LRRC4C: variants seen among roughly 807,000 people sequenced by gnomAD.
LRRC4C encodes the protein leucine rich repeat containing 4C.
A neutral mutation model predicts 33.6 loss-of-function variants in LRRC4C; 5 were observed. The ratio of observed to expected loss-of-function variants is 0.15; its 90% CI spans 0.08 to 0.31. The LOEUF is 0.31. LRRC4C is among the 10% of genes least tolerant of loss of function. The pLI, the probability that LRRC4C is intolerant of heterozygous loss-of-function variation, is 1.00. For missense variants in LRRC4C, 560 were observed against 796.7 expected (o/e 0.70, Z 3.58); for synonymous variants, 329 against 302.0 (o/e 1.09, Z -0.93).
At chr11:40,924,487 G>A (rs1207215892) in intron 2 of LRRC4C, among the ~76,000 whole-genome samples, 3 of 151,772 alleles carry the variant, frequency 2.0e-5, no homozygotes, top group Non-Finnish European at 4.4e-5. Flanking sequence ...AATCAAATAG[G>A]TAAGGCTGGG....
chr11:40,241,799 T>G (rs1338781658), intron 4 of LRRC4C: 1 of 152,230 alleles, frequency 6.6e-6, no homozygotes, highest in African/African-American at 2.4e-5. Context: ...GCTTGATACT[T>G]TAGAACCACA....
At chr11:40,491,241 C>T (rs1484551581) in intron 3 of LRRC4C, among the ~76,000 whole-genome samples, 3 of 152,112 alleles carry the variant, frequency 2.0e-5, no homozygotes, top group African/African-American at 7.2e-5. Flanking sequence ...GCTGAGATTG[C>T]ACCACTACAC....
chr11:40,792,559 C>T (rs1950669158), intron 2 of LRRC4C, among the ~76,000 whole-genome samples: 1 of 152,034 alleles, frequency 6.6e-6, no homozygotes. Flanking sequence ...CTAGTTCAAC[C>T]ATTGTGGAAG....
intron 3 of LRRC4C, among the ~76,000 whole-genome samples, chr11:40,382,722 C>G (rs1167918187): frequency 4.5e-5 from 5 of 110,640 alleles, no homozygotes; most frequent in African/African-American, 1.8e-4. Flanking sequence ...GAGACAGAGT[C>G]TCGCTCTGTC....
intron 2 of LRRC4C, among the ~76,000 whole-genome samples, chr11:40,865,140 T>C (rs1423092225): frequency 2.0e-5 from 3 of 152,150 alleles, no homozygotes; most frequent in African/African-American, 7.2e-5. Flanking sequence ...CATGGTTAAC[T>C]CTGGAGGACA....
At chr11:41,410,402 GTT>G (rs1336824802) in intron 1 of LRRC4C, among the ~76,000 whole-genome samples, 1 of 141,290 alleles carries the variant, frequency 7.1e-6, no homozygotes, top group African/African-American at 2.6e-5. Context: ...TAGTGAGAAA[GTT>G]TTTTTTTTTT....
At chr11:40,469,665 A>T (rs1952831008) in intron 3 of LRRC4C, among the ~76,000 whole-genome samples, 1 of 152,180 alleles carries the variant, frequency 6.6e-6, no homozygotes. Context: ...AGCAGTCTGA[A>T]GTCTACCAGA....
intron 3 of LRRC4C, among the ~76,000 whole-genome samples, chr11:40,491,108 C>T (rs1257052006): frequency 6.6e-6 from 1 of 152,072 alleles, no homozygotes; most frequent in African/African-American, 2.4e-5. Flanking sequence ...CATAGTAAAA[C>T]CCCATCTCTA....
rs574036619 is a variant in LRRC4C at position 41,035,620 on chromosome 11, T to C, written c.-495-101897A>G. 9.2e-5 allele frequency among the ~76,000 whole-genome samples: 14 copies of C among 152,154 alleles called. 1 individual carries two copies. In the South Asian group the frequency reaches 2.9e-3, roughly 32 times the overall value. On this transcript the variant is annotated intron_variant, in intron 1 of 6. Transcript: ENST00000528697. ...GACTCTGGGGAGAGCGTAACTGAGG[T>C]GAAGCAGGATGAATAGACACTCACA...
intron 2 of LRRC4C, among the ~76,000 whole-genome samples, chr11:40,929,982 C>A (rs1389593886): frequency 6.6e-6 from 1 of 152,128 alleles, no homozygotes; most frequent in South Asian, 2.1e-4. Flanking sequence ...AATGAGAATT[C>A]TATCAGATTT....
At chr11:40,951,090 A>G (rs1287573507) in intron 1 of LRRC4C, among the ~76,000 whole-genome samples, 2 of 152,030 alleles carry the variant, frequency 1.3e-5, no homozygotes, top group African/African-American at 4.8e-5. Flanking sequence ...GAAATAATGC[A>G]GCACCATTCT....
At chr11:41,450,811 T>C (rs1197220233) in intron 1 of LRRC4C, among the ~76,000 whole-genome samples, 3 of 152,134 alleles carry the variant, frequency 2.0e-5, no homozygotes, top group South Asian at 2.1e-4. Flanking sequence ...AGCACTGATA[T>C]ATGCAAAGTT....
chr11:41,112,367 A>G (rs1360939474), intron 1 of LRRC4C, among the ~76,000 whole-genome samples: 1 of 152,114 alleles, frequency 6.6e-6, no homozygotes, highest in Non-Finnish European at 1.5e-5. Flanking sequence ...AAAGCTCAGA[A>G]TTCAATGAAC....
In LRRC4C at chr11:40,458,745, G is replaced by C. The variant is rs1952251093; in HGVS notation, c.-269-139024C>G. 2.0e-5 allele frequency among the ~76,000 whole-genome samples: 3 copies of C among 152,014 alleles called. 1 individual carries two copies. In the South Asian group the frequency reaches 6.2e-4, roughly 31 times the overall value. On this transcript the variant is annotated intron_variant, in intron 3 of 6. Coordinates refer to ENST00000528697, the MANE Select transcript of LRRC4C (RefSeq NM_001258419.2). ...AGAATCTAGAATTTCAAATCACTTT[G>C]GAAATCCAAAAATCTCATAGGATGT...
At chr11:41,435,236 T>C (rs1955385933) in intron 1 of LRRC4C, among the ~76,000 whole-genome samples, 1 of 152,148 alleles carries the variant, frequency 6.6e-6, no homozygotes, top group Non-Finnish European at 1.5e-5. Context: ...CCATATGATG[T>C]ATGTGCAAGA....
intron 5 of LRRC4C, among the ~76,000 whole-genome samples, chr11:40,194,967 T>C (rs1862143424): frequency 6.6e-6 from 1 of 151,390 alleles, no homozygotes; most frequent in African/African-American, 2.4e-5. Context: ...GGCGGGAGCC[T>C]GTAGTCCCAG....
chr11:40,477,053 A>G (rs781686809), intron 3 of LRRC4C, among the ~76,000 whole-genome samples: 3 of 152,138 alleles, frequency 2.0e-5, no homozygotes, highest in Non-Finnish European at 4.4e-5. Context: ...TCAGGCCAGA[A>G]CTGTCTGATT....
chr11:41,288,169 C>T (rs1243509855), intron 1 of LRRC4C, among the ~76,000 whole-genome samples: 1 of 152,162 alleles, frequency 6.6e-6, no homozygotes, highest in Non-Finnish European at 1.5e-5. Context: ...AAATAAACAA[C>T]TACAACTTAT....
intron 3 of LRRC4C, among the ~76,000 whole-genome samples, chr11:40,352,100 T>C (rs1668058944): frequency 1.6e-5 from 2 of 121,674 alleles, no homozygotes. Context: ...CCTTCCTTTT[T>C]TCCTTTCTTT....
Sources: allele counts gnomAD v4.1 joint callset (sites outside exome capture counted in the v4.1 genomes callset), GRCh38; gene constraint gnomAD v4.1.1; transcripts MANE v1.5; gene names NCBI Gene and HGNC (gene_info 2026-07-23, HGNC 2026-07-21).